Variants in GAPVD1 observed in about 807,000 individuals in gnomAD.
GAPVD1 encodes the protein GTPase activating protein and VPS9 domains 1, also known as GTPase-activating protein and VPS9 domain-containing protein 1.
GAPVD1 carries 35 observed loss-of-function variants against 155.5 expected under a neutral mutation model. The ratio of observed to expected loss-of-function variants is 0.23; its 90% CI spans 0.17 to 0.30. GAPVD1 has a LOEUF of 0.30. Ranked by LOEUF, GAPVD1 falls within the 10% of genes least tolerant of loss-of-function variation. GAPVD1 has a pLI of 1.00. For synonymous variants in GAPVD1, 636 were observed against 619.7 expected (o/e 1.03, Z -0.39); for missense variants, 1,429 against 1,775.7 (o/e 0.80, Z 3.51).
Position 125,363,297 on chromosome 9 carries a change from G to A in GAPVD1, c.*551G>A, listed in dbSNP as rs1230005923. On this transcript the variant is annotated 3_prime_UTR_variant, in exon 28 of 28. Transcript: ENST00000297933. Reference sequence around the variant, plus strand: ...TATATTTGATGTAATATGGACATCTGCAGATTCTAATAAACAAGGACTATT... The same window carrying A: ...TATATTTGATGTAATATGGACATCTACAGATTCTAATAAACAAGGACTATT... 6.6e-6 allele frequency: 1 copy of A among 152,154 alleles called. No individual in the cohort carries two copies. Among genetic ancestry groups the A allele is most frequent in the Admixed American group, 6.6e-5 (1 of 15,264 alleles). 9.4% of individuals were successfully genotyped at this position (152,154 alleles called of 1,614,324 possible). A position where few individuals can be genotyped will look rare whatever the true frequency, so the allele number is the denominator to read the frequency against.
chr9:125,345,867 G>GTATTT, intron 19 of GAPVD1: 1 of 142,730 alleles, frequency 7.0e-6, no homozygotes, highest in South Asian at 2.3e-4. Context: ...ATACACATAA[G>GTATTT]TGTGTGTGTG....
At chr9:125,271,658 C>T (rs1834938982) in intron 2 of GAPVD1, among the ~76,000 whole-genome samples, 1 of 152,158 alleles carries the variant, frequency 6.6e-6, no homozygotes, top group South Asian at 2.1e-4. Flanking sequence ...TCAAGCGATT[C>T]TCCTGCCTCA....
intron 20 of GAPVD1, among the ~76,000 whole-genome samples, chr9:125,347,510 G>A (rs1006482686): frequency 6.6e-6 from 1 of 152,152 alleles, no homozygotes; most frequent in Non-Finnish European, 1.5e-5. Context: ...CAGATCACTT[G>A]AGGCCAGGAG....
At chr9:125,332,748 A>G in intron 15 of GAPVD1, 119 bp downstream of exon 15, 2 of 800,426 alleles carry the variant, frequency 2.5e-6, no homozygotes, top group Non-Finnish European at 4.1e-6. Flanking sequence ...ATACTTTGTC[A>G]GTATCTATTT....
At chr9:125,347,002 T>G (rs1288406155) in intron 20 of GAPVD1, 61 bp downstream of exon 20, 2 of 1,539,238 alleles carry the variant, frequency 1.3e-6, no homozygotes, top group African/African-American at 2.7e-5. Context: ...AAAGGTAATC[T>G]GAATTTAAGT....
intron 18 of GAPVD1, 45 bp from the exon 19 acceptor site, chr9:125,342,174 T>C (rs777104210): frequency 2.2e-6 from 2 of 928,622 alleles, no homozygotes; most frequent in Non-Finnish European, 1.8e-6. Flanking sequence ...TTCCGAGTAG[T>C]GCAGTATGTT....
intron 8 of GAPVD1, chr9:125,308,574 T>C (rs1389160782): frequency 6.6e-6 from 1 of 152,216 alleles, no homozygotes. Context: ...AAGAATTCTA[T>C]TTAATTAAGC....
At chr9:125,320,129 T>C (rs1165188098) in intron 9 of GAPVD1, among the ~76,000 whole-genome samples, 1 of 152,204 alleles carries the variant, frequency 6.6e-6, no homozygotes, top group Non-Finnish European at 1.5e-5. Flanking sequence ...ATTTTTCATT[T>C]TTTGTGGTAA....
At chr9:125,279,599 A>G (rs1564275107) in intron 2 of GAPVD1, among the ~76,000 whole-genome samples, 1 of 151,720 alleles carries the variant, frequency 6.6e-6, no homozygotes, top group Non-Finnish European at 1.5e-5. Context: ...TAAAAATCAA[A>G]AATAAAAAAA....
At chr9:125,320,037 T>G (rs1844067831) in intron 9 of GAPVD1, among the ~76,000 whole-genome samples, 1 of 152,214 alleles carries the variant, frequency 6.6e-6, no homozygotes, top group Non-Finnish European at 1.5e-5. Context: ...GCTGACAAAA[T>G]TGTATCTATT....
intron 8 of GAPVD1, 56 bp from the exon 9 acceptor site, chr9:125,312,396 C>CAAATG: frequency 9.1e-7 from 1 of 1,094,136 alleles, no homozygotes; most frequent in East Asian, 2.7e-5. Context: ...ATTTAGCATA[C>CAAATG]CATTTTCTTC....
chr9:125,296,373 TG>T (rs1004599420), intron 3 of GAPVD1, among the ~76,000 whole-genome samples: 2 of 149,082 alleles, frequency 1.3e-5, no homozygotes, highest in Non-Finnish European at 3.0e-5. Context: ...TTTTTTTTTT[TG>T]AGATGGAGTC....
intron 2 of GAPVD1, among the ~76,000 whole-genome samples, chr9:125,293,886 A>ATATAAAAATATATTT (rs1839354292): frequency 1.0e-5 from 1 of 98,290 alleles, no homozygotes; most frequent in East Asian, 3.8e-4. Context: ...ATATATATAT[A>ATATAAAAATATATTT]TATATATATA....
At chr9:125,338,963 A>T (rs535910967) in intron 17 of GAPVD1, among the ~76,000 whole-genome samples, 1 of 133,558 alleles carries the variant, frequency 7.5e-6, no homozygotes, top group Admixed American at 7.8e-5. Flanking sequence ...GTGTGTATAT[A>T]TATTTTTTGT....
chr9:125,332,102 T>A (rs1457774545), intron 14 of GAPVD1, 42 bp downstream of exon 14: 4 of 1,578,592 alleles, frequency 2.5e-6, no homozygotes, highest in Non-Finnish European at 3.5e-6. Flanking sequence ...TTGAAGGTGT[T>A]CACCCCCTAC....
At chr9:125,298,207 T>C (rs1840177951) in intron 3 of GAPVD1, among the ~76,000 whole-genome samples, 1 of 152,150 alleles carries the variant, frequency 6.6e-6, no homozygotes, top group Admixed American at 6.6e-5. Flanking sequence ...ATTTTAAATA[T>C]ATTTTGAAGA....
Position 125,337,333 on chromosome 9 carries a change from C to T in GAPVD1, c.2619C>T (p.Asn873=), listed in dbSNP as rs765472994. 12 of 1,614,212 alleles carry T rather than the reference C, an allele frequency of 7.4e-6. No homozygotes were observed. In the Admixed American group the frequency reaches 2.0e-4, roughly 27 times the overall value. The part of the protein sequence containing the change: ...AVGGNEARLP[N]FGSHVLTPAE... ...GAGGAAATGAGGCCAGGTTGCCAAACTTTGGTTCCCATGTTTTAACTCCAG... is the reference window on the plus strand; with the variant it reads ...GAGGAAATGAGGCCAGGTTGCCAAATTTTGGTTCCCATGTTTTAACTCCAG... The change falls in exon 17 of 28, where the codon AAC becomes AAT. Residue 873 remains asparagine, a synonymous_variant. Coordinates refer to ENST00000297933, the MANE Select transcript of GAPVD1 (RefSeq NM_001282680.3).
intron 2 of GAPVD1, among the ~76,000 whole-genome samples, chr9:125,294,444 T>C (rs1839504790): frequency 6.6e-6 from 1 of 151,676 alleles, no homozygotes; most frequent in Non-Finnish European, 1.5e-5. Context: ...CCTCTTGGGT[T>C]TGAGCAATTC....
Position 125,331,054 on chromosome 9 carries a change from T to C in GAPVD1, c.2173+836T>C, listed in dbSNP as rs189865246. On this transcript the variant is annotated intron_variant, in intron 13 of 27. Coordinates refer to ENST00000297933, the MANE Select transcript of GAPVD1 (RefSeq NM_001282680.3). ...TTGTACTTTGTCTTTTCATATGCAT[T>C]GCATTTTTTTCTGATTATGAAGACG... 2.6e-3 allele frequency among the ~76,000 whole-genome samples: 401 copies of C among 152,264 alleles called. 5 individuals are homozygous for C. The highest frequency in any genetic ancestry group is 4.0e-3 in the Non-Finnish European group (270 of 68,024).
Sources: allele counts gnomAD v4.1 joint callset (sites outside exome capture counted in the v4.1 genomes callset), GRCh38; gene constraint gnomAD v4.1.1; transcripts MANE v1.5; gene names NCBI Gene and HGNC (gene_info 2026-07-23, HGNC 2026-07-21).